Variants in LIN9 observed in about 807,000 individuals in gnomAD.
LIN9 encodes the protein protein lin-9 homolog.
Under a neutral mutation model 78.0 loss-of-function variants are expected in LIN9, and 18 were observed. That is an observed-to-expected ratio of 0.23 (90% CI 0.16 to 0.34). LIN9 has a LOEUF of 0.34. Ranked by LOEUF, LIN9 falls within the 10% of genes least tolerant of loss-of-function variation. LIN9 has a pLI of 1.00. For synonymous variants in LIN9, 192 were observed against 215.2 expected, an observed-to-expected ratio of 0.89 and a Z score of 0.94; for missense variants, 451 against 644.1, an observed-to-expected ratio of 0.70 and a Z score of 3.25.
chr1:226,269,545 C>T (rs1435674167), intron 7 of LIN9, among the ~76,000 whole-genome samples: 6 of 152,250 alleles, frequency 3.9e-5, no homozygotes, highest in East Asian at 3.9e-4. Flanking sequence ...CCTCTTTGCA[C>T]GAGGTTATTC....
At chr1:226,264,104 C>T (rs985165483) in intron 10 of LIN9, among the ~76,000 whole-genome samples, 2 of 151,878 alleles carry the variant, frequency 1.3e-5, no homozygotes, top group African/African-American at 4.8e-5. Context: ...ATAAATAGGC[C>T]AGGTGCAGTC....
At chr1:226,290,684 G>A (rs1661723577) in intron 4 of LIN9, among the ~76,000 whole-genome samples, 1 of 151,996 alleles carries the variant, frequency 6.6e-6, no homozygotes, top group Non-Finnish European at 1.5e-5. Context: ...TAGATGGTTG[G>A]TTCTGTACTG....
chr1:226,302,706 C>T (rs1319516355), intron 1 of LIN9, among the ~76,000 whole-genome samples: 4 of 152,108 alleles, frequency 2.6e-5, no homozygotes, highest in Non-Finnish European at 5.9e-5. Flanking sequence ...TAAAAAAGAA[C>T]ATGAACTAGG....
chr1:226,304,873 G>A (rs1662802679), intron 1 of LIN9, among the ~76,000 whole-genome samples: 2 of 152,212 alleles, frequency 1.3e-5, no homozygotes, highest in African/African-American at 4.8e-5. Flanking sequence ...GCTGCCACTA[G>A]GAAGTTACAT....
intron 6 of LIN9, among the ~76,000 whole-genome samples, chr1:226,285,221 C>A (rs1576339746): frequency 6.6e-6 from 1 of 152,136 alleles, no homozygotes; most frequent in East Asian, 1.9e-4. Flanking sequence ...AACAGTGTAA[C>A]TCAATTTGCT....
chr1:226,232,959 A>C, intron 14 of LIN9, 137 bp downstream of exon 14: 2 of 562,272 alleles, frequency 3.6e-6, no homozygotes, highest in Non-Finnish European at 6.2e-6. Flanking sequence ...GCTGGATATA[A>C]GTGAAAAGCT....
At chr1:226,287,880 G>T in intron 4 of LIN9, 83 bp from the exon 5 acceptor site, 1 of 968,428 alleles carries the variant, frequency 1.0e-6, no homozygotes, top group Non-Finnish European at 1.5e-6. Context: ...TTTGCAAAAG[G>T]TAAATTATGT....
chr1:226,281,688 TTTTC>T lies in LIN9; in HGVS notation c.525-3760_525-3757del, dbSNP rs796895666. On this transcript the variant is annotated intron_variant, in intron 6 of 14. Transcript: ENST00000681046. ...TATTTCCCTATAGTTGACAATTTTTTTTTCTTTTTCTTTTTTTTTTTTTGATTTG... is the reference window on the plus strand; with the variant it reads ...TATTTCCCTATAGTTGACAATTTTTTTTTTTCTTTTTTTTTTTTTGATTTG... Among the ~76,000 whole-genome samples the T allele has an allele frequency of 3.9e-5, 6 of 151,936 alleles. No homozygotes were observed. The Middle Eastern group carries it at 0.01, about 258-fold the overall frequency.
In LIN9 at chr1:226,265,689, AT is replaced by A. The variant is rs1558176708; in HGVS notation, c.937-56del. ...ATTGACTATTCAGAGGAAGTATCTT[AT>A]TTTTTTATTTTTATTTTTTTTTAGA... is the stretch of plus-strand genomic sequence containing the variant. On this transcript the variant is annotated intron_variant, in intron 9 of 14. Transcript: ENST00000681046. This position sits in a 1 kb window ranked among gnomAD's most constrained non-coding sequence, Gnocchi z 4.1. The A allele has an allele frequency of 2.1e-6, 2 of 961,804 alleles. No homozygotes were observed. The highest frequency in any genetic ancestry group is 3.2e-6 in the Non-Finnish European group (2 of 628,788). The allele number at this position is 961,804 out of a possible 1,614,324, so 59.6% of individuals were successfully genotyped here.
At chr1:226,280,027 A>T (rs1660942548) in intron 6 of LIN9, among the ~76,000 whole-genome samples, 1 of 152,198 alleles carries the variant, frequency 6.6e-6, no homozygotes, top group Admixed American at 6.5e-5. Flanking sequence ...TAAACACACC[A>T]ATATAGCAGT....
intron 14 of LIN9, chr1:226,232,808 G>A (rs962510393): frequency 4.0e-6 from 2 of 499,340 alleles, no homozygotes; most frequent in Non-Finnish European, 3.5e-6. Flanking sequence ...AGCCACGGGG[G>A]GCTGGAAGGA....
At chr1:226,278,579 T>C (rs1660815761) in intron 6 of LIN9, among the ~76,000 whole-genome samples, 1 of 151,838 alleles carries the variant, frequency 6.6e-6, no homozygotes, top group Admixed American at 6.6e-5. Flanking sequence ...ATCCTAGCAG[T>C]ATGGGAGGCC....
chr1:226,300,132 T>G (rs1329454478), intron 2 of LIN9, among the ~76,000 whole-genome samples: 1 of 152,056 alleles, frequency 6.6e-6, no homozygotes, highest in Non-Finnish European at 1.5e-5. Flanking sequence ...GAGATGGGGT[T>G]TCACCTTGTT....
intron 3 of LIN9, among the ~76,000 whole-genome samples, chr1:226,297,192 G>A (rs1280166066): frequency 2.0e-5 from 3 of 152,098 alleles, no homozygotes; most frequent in African/African-American, 7.2e-5. Flanking sequence ...TGTGACTGCT[G>A]CTGTCTATCC....
At chr1:226,295,751 T>C (rs1420011427) in intron 4 of LIN9, 91 bp downstream of exon 4, 1 of 743,520 alleles carries the variant, frequency 1.3e-6, no homozygotes, top group African/African-American at 1.8e-5. Flanking sequence ...AAAGAACTTG[T>C]TACTCAAAAT....
At chr1:226,309,430 G>C, upstream of LIN9, 1 of 1,002,182 alleles carries the variant, frequency 1.0e-6, no homozygotes, top group Non-Finnish European at 1.2e-6. Context: ...CGGAGCGCGG[G>C]GGGAGCAGTA....
At chr1:226,295,820 C>T (rs1232523655) in intron 4 of LIN9, 22 bp downstream of exon 4, 2 of 1,504,598 alleles carry the variant, frequency 1.3e-6, no homozygotes, top group Non-Finnish European at 1.8e-6. Flanking sequence ...TCCAATGAAA[C>T]AAAATTTTAG....
rs547419301 is a variant in LIN9 at position 226,279,257 on chromosome 1, AG to A, written c.525-1326del. ...CGAGGTGGAAGAATTGCTTGAGCCC[AG>A]GAGTCTGAGACCAGCCTGGGCAACA... On this transcript the variant is annotated intron_variant, in intron 6 of 14. Coordinates refer to ENST00000681046, the MANE Select transcript of LIN9 (RefSeq NM_001366245.2). Among the ~76,000 whole-genome samples the A allele has an allele frequency of 1.2e-4, 19 of 152,214 alleles. No homozygotes were observed. In the South Asian group the frequency reaches 4.0e-3, roughly 32 times the overall value.
At chr1:226,249,555 C>G (rs1487485596) in intron 11 of LIN9, among the ~76,000 whole-genome samples, 1 of 152,128 alleles carries the variant, frequency 6.6e-6, no homozygotes, top group Non-Finnish European at 1.5e-5. Flanking sequence ...TCTTTATTCA[C>G]TTAGGTATCT....
Sources: gnomAD v4.1 joint callset for allele counts (sites outside exome capture counted in the v4.1 genomes callset) on GRCh38, gnomAD v4.1.1 for gene constraint, Gnocchi (gnomAD v3.1) non-coding constraint, MANE v1.5 for transcripts, NCBI Gene and HGNC (gene_info 2026-07-23, HGNC 2026-07-21) for gene names.